Variants in SLC22A8 observed in about 807,000 individuals in gnomAD.
SLC22A8 encodes organic anion transporter 3.
SLC22A8 carries 40 observed loss-of-function variants against 48.4 expected under a neutral mutation model. The observed-to-expected ratio is 0.83, with a 90% CI of 0.64 to 1.08. SLC22A8 has a LOEUF of 1.08. Ranked by LOEUF, SLC22A8 falls within the 50% of genes least tolerant of loss-of-function variation. The pLI is 0.00. For synonymous variants in SLC22A8, 268 were observed against 286.3 expected (o/e 0.94, Z 0.65); for missense variants, 606 against 699.0 (o/e 0.87, Z 1.50).
chr11:62,994,209 G>T, intron 8 of SLC22A8: 1 of 521,970 alleles, frequency 1.9e-6, no homozygotes, highest in Non-Finnish European at 3.4e-6. Context: ...GGAGTAGGTT[G>T]TGGGGTCTTT....
chr11:63,010,348 C>T (rs1278341714), intron 2 of SLC22A8, among the ~76,000 whole-genome samples: 1 of 152,164 alleles, frequency 6.6e-6, no homozygotes, highest in Non-Finnish European at 1.5e-5. Context: ...GGACTGATCT[C>T]GCTCTTCACC....
chr11:63,015,200 T>G (rs1431150628), intron 1 of SLC22A8, among the ~76,000 whole-genome samples: 3 of 152,102 alleles, frequency 2.0e-5, no homozygotes, highest in African/African-American at 7.2e-5. Flanking sequence ...CGGAGGGCTG[T>G]GGGATCAAAG....
intron 1 of SLC22A8, 25 bp from the exon 2 acceptor site, chr11:63,015,008 A>T (rs181488394): frequency 7.9e-4 from 1,184 of 1,489,548 alleles, no homozygotes; most frequent in Non-Finnish European, 9.6e-4. Context: ...TAGGCCAGGG[A>T]GAGGTATATT....
chr11:62,998,068 C>T (rs1365505726), intron 5 of SLC22A8, among the ~76,000 whole-genome samples: 5 of 152,246 alleles, frequency 3.3e-5, no homozygotes, highest in Middle Eastern at 3.4e-3. Context: ...TCTCCTGCCT[C>T]GGCCTCCTGA....
At chr11:63,005,633 TATAAG>T (rs1361996867) in intron 2 of SLC22A8, among the ~76,000 whole-genome samples, 1 of 152,200 alleles carries the variant, frequency 6.6e-6, no homozygotes, top group African/African-American at 2.4e-5. Flanking sequence ...CTCGTGTTCT[TATAAG>T]AAGACAAGAG....
At chr11:63,002,753 A>G (rs532943705) in intron 2 of SLC22A8, among the ~76,000 whole-genome samples, 1 of 152,336 alleles carries the variant, frequency 6.6e-6, no homozygotes, top group South Asian at 2.1e-4. Flanking sequence ...GCCTTAGTGT[A>G]GGCCTCATCA....
At chr11:62,999,379 C>G (rs1355754207) in intron 4 of SLC22A8, 2 of 490,626 alleles carry the variant, frequency 4.1e-6, no homozygotes, top group African/African-American at 3.8e-5. Flanking sequence ...AGTGACTTTC[C>G]TTGTTCTGCC....
intron 2 of SLC22A8, among the ~76,000 whole-genome samples, chr11:63,012,924 A>T (rs909390172): frequency 6.6e-6 from 1 of 152,160 alleles, no homozygotes; most frequent in African/African-American, 2.4e-5. Context: ...AAAGTAGCAA[A>T]CATGACAGGG....
Position 62,993,175 on chromosome 11 carries a change from A to T in SLC22A8, c.*62T>A, listed in dbSNP as rs889353162. 3.0e-6 allele frequency: 4 copies of T among 1,318,136 alleles called. No homozygotes were observed. The highest frequency in any genetic ancestry group is 4.3e-6 in the Non-Finnish European group (4 of 938,278). The allele number at this position is 1,318,136 out of a possible 1,614,324, so 81.7% of individuals were successfully genotyped here. A position where few individuals can be genotyped will look rare whatever the true frequency, so the allele number is the denominator to read the frequency against. Reference sequence around the variant, plus strand: ...ATGGACCTATATGGGGCCTCCCTATACTCCTAAGGTGCCTGGCTAGGATCA... The same window carrying T: ...ATGGACCTATATGGGGCCTCCCTATTCTCCTAAGGTGCCTGGCTAGGATCA... On this transcript the variant is annotated 3_prime_UTR_variant, in exon 11 of 11. Coordinates refer to ENST00000336232, the MANE Select transcript of SLC22A8 (RefSeq NM_004254.4).
Position 62,998,913 on chromosome 11 carries a change from C to G in SLC22A8, c.761+8G>C. 1 of 1,599,126 alleles carries G rather than the reference C, an allele frequency of 6.3e-7. No individual in the cohort carries two copies. The highest frequency in any genetic ancestry group is 1.3e-5 in the African/African-American group (1 of 74,868). The stretch of plus-strand genomic sequence containing the variant: ...AAGGAAACAGATGAAGAGGAGAGGG[C>G]CACATACCAGGATGATAGGAAGAAG... On this transcript the variant is annotated splice_region_variant and intron_variant, in intron 5 of 10. Coordinates refer to ENST00000336232, the MANE Select transcript of SLC22A8 (RefSeq NM_004254.4).
intron 2 of SLC22A8, among the ~76,000 whole-genome samples, chr11:63,005,626 G>A (rs143901788): frequency 2.0e-3 from 306 of 152,288 alleles, no homozygotes; most frequent in African/African-American, 6.6e-3. Flanking sequence ...ACTATGACTC[G>A]TGTTCTTATA....
intron 4 of SLC22A8, 35 bp downstream of exon 4, chr11:62,999,653 C>T (rs956674544): frequency 6.9e-7 from 1 of 1,454,334 alleles, no homozygotes; most frequent in African/African-American, 1.4e-5. Context: ...GATGGTGCTC[C>T]CCAAAGCCCA....
At chr11:63,005,956 G>A (rs1028015039) in intron 2 of SLC22A8, among the ~76,000 whole-genome samples, 3 of 152,200 alleles carry the variant, frequency 2.0e-5, no homozygotes, top group Non-Finnish European at 4.4e-5. Flanking sequence ...TTTATAAGGG[G>A]TGATTGGAAG....
chr11:63,004,363 T>C (rs1356651452), intron 2 of SLC22A8, among the ~76,000 whole-genome samples: 1 of 152,216 alleles, frequency 6.6e-6, no homozygotes, highest in Non-Finnish European at 1.5e-5. Flanking sequence ...GTCACCTCTC[T>C]GCTCTTACCT....
At chr11:63,015,074 G>T in intron 1 of SLC22A8, 91 bp from the exon 2 acceptor site, 1 of 791,906 alleles carries the variant, frequency 1.3e-6, no homozygotes, top group Non-Finnish European at 2.0e-6. Flanking sequence ...GAACCAGGTG[G>T]ATATGCGAGC....
At chr11:62,994,280 G>T (rs1437204357) in intron 8 of SLC22A8, 10 of 556,712 alleles carry the variant, frequency 1.8e-5, no homozygotes, top group Non-Finnish European at 3.2e-5. Flanking sequence ...TGTCACTCAG[G>T]ACACTCTCAA....
chr11:62,994,160 A>G, intron 8 of SLC22A8: 1 of 531,966 alleles, frequency 1.9e-6, no homozygotes, highest in Non-Finnish European at 3.4e-6. Context: ...ACCAACTAAC[A>G]CCCATATAAA....
At chr11:63,000,489 GAAAAAAA>G (rs59363642) in intron 3 of SLC22A8, among the ~76,000 whole-genome samples, 1 of 88,366 alleles carries the variant, frequency 1.1e-5, no homozygotes, top group Non-Finnish European at 2.3e-5. Flanking sequence ...CGTCTTAAGA[GAAAAAAA>G]AAAAAAAAAA....
At chr11:63,013,489 A>T (rs2086641576) in intron 2 of SLC22A8, among the ~76,000 whole-genome samples, 1 of 152,250 alleles carries the variant, frequency 6.6e-6, no homozygotes, top group Non-Finnish European at 1.5e-5. Flanking sequence ...GGTTCATGGT[A>T]CCCAAGGGAG....
Sources: allele counts gnomAD v4.1 joint callset (sites outside exome capture counted in the v4.1 genomes callset), GRCh38; gene constraint gnomAD v4.1.1; transcripts MANE v1.5; gene names NCBI Gene and HGNC (gene_info 2026-07-23, HGNC 2026-07-21).